Variants in ESCO1 observed in about 807,000 individuals in gnomAD.
The protein encoded by ESCO1 is N-acetyltransferase ESCO1.
ESCO1 carries 33 observed loss-of-function variants against 83.5 expected under a neutral mutation model. The ratio of observed to expected loss-of-function variants is 0.40; its 90% CI spans 0.30 to 0.53. The LOEUF (loss-of-function observed/expected upper bound fraction) is 0.53. Ranked by LOEUF, ESCO1 falls within the 20% of genes least tolerant of loss-of-function variation. ESCO1 has a pLI of 0.63. For missense variants in ESCO1, 855 were observed against 968.0 expected (o/e 0.88, Z 1.55); for synonymous variants, 332 against 324.3 (o/e 1.02, Z -0.25).
At chr18:21,570,051 A>G (rs2038318845) in intron 4 of ESCO1, among the ~76,000 whole-genome samples, 1 of 152,188 alleles carries the variant, frequency 6.6e-6, no homozygotes, top group African/African-American at 2.4e-5. Context: ...ACAGTGGTCA[A>G]AATGTTGAGA....
Position 21,573,556 on chromosome 18 carries a change from G to A in ESCO1, c.1288C>T (p.His430Tyr). 1 of 1,614,090 alleles carries A rather than the reference G, an allele frequency of 6.2e-7. No individual in the cohort carries two copies. The highest frequency in any genetic ancestry group is 8.5e-7 in the Non-Finnish European group (1 of 1,180,008). The change falls in exon 4 of 12, where the codon CAT becomes TAT. Residue 430 changes from histidine to tyrosine, a missense_variant. His to Tyr is a moderately conservative substitution (Grantham distance 83, BLOSUM62 2). Transcript: ENST00000269214. ...AACGTACTTTGAGTCACTGGATGAT[G>A]CATTTCTAAAGCTGGTGGTGAAAAA... Reference protein sequence around the residue: ...TSFSPPALEMHHPVTQSTFLG... With the variant: ...TSFSPPALEMYHPVTQSTFLG...
intron 8 of ESCO1, among the ~76,000 whole-genome samples, chr18:21,545,944 A>T (rs542003028): frequency 2.6e-5 from 4 of 152,292 alleles, no homozygotes; most frequent in Admixed American, 6.5e-5. Context: ...AACAAAAAAA[A>T]CCCAATACTG....
chr18:21,551,618 C>A (rs2038048927), intron 8 of ESCO1, among the ~76,000 whole-genome samples: 1 of 152,190 alleles, frequency 6.6e-6, no homozygotes. Context: ...CTTGCTGGAA[C>A]AAAGAGAAAC....
intron 1 of ESCO1, among the ~76,000 whole-genome samples, chr18:21,598,297 T>C (rs1382670046): frequency 6.6e-6 from 1 of 152,204 alleles, no homozygotes; most frequent in Non-Finnish European, 1.5e-5. Context: ...AAAAGGACTA[T>C]CTGGCAAAAG....
chr18:21,536,590 CAAA>C (rs35366987), intron 9 of ESCO1, among the ~76,000 whole-genome samples: 14 of 96,764 alleles, frequency 1.4e-4, no homozygotes, highest in African/African-American at 1.5e-4. Flanking sequence ...GACTCCATCT[CAAA>C]AAAAAAAAAA....
rs1475925277 is a variant in ESCO1, at chr18:21,574,886, T to C, written c.-43A>G. 1 of 1,486,712 alleles carries C rather than the reference T, an allele frequency of 6.7e-7. No individual in the cohort carries two copies. The highest frequency in any genetic ancestry group is 8.9e-7 in the Non-Finnish European group (1 of 1,119,806). 92.1% of individuals were successfully genotyped at this position (1,486,712 alleles called of 1,614,324 possible). On this transcript the variant is annotated 5_prime_UTR_variant, in exon 4 of 12. Coordinates refer to ENST00000269214, the MANE Select transcript of ESCO1 (RefSeq NM_052911.3). ...CTTTTCTGAGTAGTTTTGAAGAGGA[T>C]TTTTGTGTCCTGGTAGGCGTGAATG...
chr18:21,564,867 C>CT (rs1052653732), intron 6 of ESCO1, among the ~76,000 whole-genome samples: 1 of 151,434 alleles, frequency 6.6e-6, no homozygotes, highest in African/African-American at 2.4e-5. Flanking sequence ...CGCGACCAGC[C>CT]TGGGCAACAC....
At position 21,574,404 on chromosome 18, in the gene ESCO1, G is replaced by A. The variant is rs779792394; in HGVS notation, c.440C>T (p.Ala147Val). 1 of 1,614,082 alleles carries A rather than the reference G, an allele frequency of 6.2e-7. No individual in the cohort carries two copies. Among genetic ancestry groups the A allele is most frequent in the South Asian group, 1.1e-5 (1 of 91,076 alleles). ...RSREIQGQVQAVKQSLPPTKK... is the reference protein window; with the variant it reads ...RSREIQGQVQVVKQSLPPTKK... ...AGTTGGTGGCAAACTCTGTTTAACT[G>A]CTTGAACTTGACCCTGAATTTCTCT... The change falls in exon 4 of 12, where the codon GCA (alanine) becomes GTA (valine). Residue 147 changes from alanine to valine, a missense_variant. Ala to Val is a moderately conservative substitution (Grantham distance 64, BLOSUM62 0). This residue lies in a region of ESCO1 where 726 missense variants were observed against 699.5 expected (regional missense o/e 1.04). Coordinates refer to ENST00000269214, the MANE Select transcript of ESCO1 (RefSeq NM_052911.3).
chr18:21,559,080 T>C (rs1026852536), intron 8 of ESCO1, among the ~76,000 whole-genome samples: 8 of 152,244 alleles, frequency 5.3e-5, no homozygotes, highest in African/African-American at 1.7e-4. Flanking sequence ...CGTTTTCTTC[T>C]TCTCTCCATA....
chr18:21,553,073 T>C (rs1383749682), intron 8 of ESCO1, among the ~76,000 whole-genome samples: 1 of 152,152 alleles, frequency 6.6e-6, no homozygotes, highest in Non-Finnish European at 1.5e-5. Flanking sequence ...GAGAACTGAT[T>C]GAGCTCAGGA....
chr18:21,564,271 C>T lies in ESCO1; in HGVS notation c.1753G>A (p.Glu585Lys). ...HSLPKCNSHL[E>K]ITIPKDLKLK... is the part of the protein sequence containing the mutation. Reference sequence around the variant, plus strand: ...TTCAAGTCCTTTGGAATTGTTATCTCCAAATGGGAATTACACTTAGGCAAA... The same window carrying T: ...TTCAAGTCCTTTGGAATTGTTATCTTCAAATGGGAATTACACTTAGGCAAA... The change falls in exon 7 of 12, where the codon GAG becomes AAG. Residue 585 changes from glutamate (E) to lysine (K), a missense_variant. This residue lies in a region of ESCO1 where 726 missense variants were observed against 699.5 expected (regional missense o/e 1.04). Coordinates refer to ENST00000269214, the MANE Select transcript of ESCO1 (RefSeq NM_052911.3). The T allele has an allele frequency of 2.5e-6, 4 of 1,612,126 alleles. No homozygotes were observed. Among genetic ancestry groups the T allele is most frequent in the Non-Finnish European group, 2.5e-6 (3 of 1,179,308 alleles).
At chr18:21,558,726 C>CA (rs59435992) in intron 8 of ESCO1, among the ~76,000 whole-genome samples, 5,347 of 87,530 alleles carry the variant, frequency 0.061, 252 homozygotes, top group African/African-American at 0.16. Context: ...GACTCTGCCT[C>CA]AAAAAAAAAA....
At chr18:21,537,961 A>G (rs1052154599) in intron 9 of ESCO1, among the ~76,000 whole-genome samples, 1 of 152,148 alleles carries the variant, frequency 6.6e-6, no homozygotes, top group Non-Finnish European at 1.5e-5. Flanking sequence ...AATTGTGACA[A>G]TATGAAAAAA....
Position 21,564,309 on chromosome 18 carries a change from G to C in ESCO1, c.1715C>G (p.Pro572Arg), listed in dbSNP as rs565593850. 1.9e-6 allele frequency: 3 copies of C among 1,600,404 alleles called. No homozygotes were observed. Among genetic ancestry groups the C allele is most frequent in the African/African-American group, 2.7e-5 (2 of 74,412 alleles). ...ACACTTAGGCAAAGAATGATTTCGT[G>C]GTGTCTCCCTTAAAAAAAATAAAAT... Reference protein sequence around the residue: ...TSKSSDNRETPRNHSLPKCNS... With the variant: ...TSKSSDNRETRRNHSLPKCNS... Residue 572 changes from proline (P) to arginine (R), a missense_variant, in exon 7 of 12, where the codon CCA (proline) becomes CGA (arginine). Physicochemically the swap from Pro to Arg is moderately radical, Grantham distance 103. Transcript: ENST00000269214.
Position 21,574,541 on chromosome 18 carries a change from TTTC to T in ESCO1, c.300_302del (p.Lys101del). On this transcript the variant is annotated inframe_deletion, in exon 4 of 12. Coordinates refer to ENST00000269214, the MANE Select transcript of ESCO1 (RefSeq NM_052911.3). The stretch of plus-strand genomic sequence containing the variant: ...CATGTACTAATTTTTTCTGAGATAA[TTTC>T]TTTTTTGTAGATTCTTGTGAATATC... 6.2e-7 allele frequency: 1 copy of T among 1,613,802 alleles called. No homozygotes were observed. The highest frequency in any genetic ancestry group is 8.5e-7 in the Non-Finnish European group (1 of 1,179,950).
chr18:21,549,963 CAA>C (rs397940311), intron 8 of ESCO1, among the ~76,000 whole-genome samples: 26 of 122,668 alleles, frequency 2.1e-4, no homozygotes, highest in Admixed American at 4.2e-4. Flanking sequence ...ACTCCATCTC[CAA>C]AAAAAAAAAA....
At chr18:21,565,079 A>C (rs1192018180) in intron 6 of ESCO1, among the ~76,000 whole-genome samples, 1 of 152,058 alleles carries the variant, frequency 6.6e-6, no homozygotes, top group East Asian at 1.9e-4. Flanking sequence ...CGTCTCAAAA[A>C]ATAATAATAA....
chr18:21,552,784 T>C (rs1259755407), intron 8 of ESCO1, among the ~76,000 whole-genome samples: 2 of 152,170 alleles, frequency 1.3e-5, no homozygotes, highest in African/African-American at 4.8e-5. Flanking sequence ...GACATCTACA[T>C]GTAAAAGTAA....
chr18:21,577,174 G>A (rs1209106355), intron 2 of ESCO1, among the ~76,000 whole-genome samples: 2 of 151,610 alleles, frequency 1.3e-5, no homozygotes, highest in Non-Finnish European at 2.9e-5. Flanking sequence ...GGCCAACATG[G>A]TGAAACCCTA....
Sources: gnomAD v4.1 joint callset for allele counts (sites outside exome capture counted in the v4.1 genomes callset) on GRCh38, gnomAD v4.1.1 for gene constraint, gnomAD v4.1.1 regional missense constraint, MANE v1.5 for transcripts, NCBI Gene and HGNC (gene_info 2026-07-23, HGNC 2026-07-21) for gene names.